The following MMP17 variants were observed in gnomAD, a reference collection of about 807,000 sequenced individuals.
The protein encoded by MMP17 is matrix metalloproteinase-17.
In MMP17, 54 loss-of-function variants were observed where a neutral mutation model predicts 49.1. The ratio of observed to expected loss-of-function variants is 1.10; its 90% CI spans 0.88 to 1.38. The LOEUF (loss-of-function observed/expected upper bound fraction) is 1.38, where lower values mean the gene tolerates loss of function less well. MMP17 is among the 40% of genes most tolerant of loss of function. The pLI is 0.00. For missense variants in MMP17, 837 were observed against 853.7 expected, an observed-to-expected ratio of 0.98 and a Z score of 0.24; for synonymous variants, 397 against 383.1, an observed-to-expected ratio of 1.04 and a Z score of -0.42.
rs1887591621 is a variant in MMP17, at chr12:131,844,500, A to C, written c.968+419A>C. 1.1e-5 allele frequency: 3 copies of C among 267,386 alleles called. No individual in the cohort carries two copies. The Admixed American group carries it at 1.6e-4, about 15-fold the overall frequency. The allele number at this position is 267,386 out of a possible 1,614,324, so 16.6% of individuals were successfully genotyped here. The stretch of plus-strand genomic sequence containing the variant: ...AGGGCTGGGCCCAACTGGGACGGCC[A>C]CTGGGGCTGCTCCACGAGGCATGAC... On this transcript the variant is annotated intron_variant, in intron 6 of 9. Coordinates refer to ENST00000360564, the MANE Select transcript of MMP17 (RefSeq NM_016155.7).
chr12:131,836,690 C>T (rs1228833072), intron 1 of MMP17, among the ~76,000 whole-genome samples: 1 of 149,702 alleles, frequency 6.7e-6, no homozygotes, highest in African/African-American at 2.5e-5. Flanking sequence ...AAAAAAAAGA[C>T]AGGTTTGCAG....
chr12:131,841,929 C>T, intron 5 of MMP17, 129 bp downstream of exon 5: 1 of 1,073,640 alleles, frequency 9.3e-7, no homozygotes, highest in Non-Finnish European at 1.3e-6. Context: ...GGTGCCGTGC[C>T]AGCTGGGACG....
chr12:131,846,953 G>A lies in MMP17; in HGVS notation c.1204+1504G>A, dbSNP rs914415525. 9.9e-5 allele frequency among the ~76,000 whole-genome samples: 15 copies of A among 152,020 alleles called. No homozygotes were observed. The highest frequency in any genetic ancestry group is 1.9e-4 in the Non-Finnish European group (13 of 68,002). Reference sequence around the variant, plus strand: ...CCCCATCACCTGGGAGCCCTCCGGTGACTGTTCCCGGAGGCCTGATCCCTC... The same window carrying A: ...CCCCATCACCTGGGAGCCCTCCGGTAACTGTTCCCGGAGGCCTGATCCCTC... On this transcript the variant is annotated intron_variant, in intron 8 of 9. Coordinates refer to ENST00000360564, the MANE Select transcript of MMP17 (RefSeq NM_016155.7). This position sits in a 1 kb window ranked among gnomAD's most constrained non-coding sequence, Gnocchi z 4.6.
chr12:131,829,998 C>T (rs906449885), intron 1 of MMP17, among the ~76,000 whole-genome samples: 2 of 152,210 alleles, frequency 1.3e-5, no homozygotes, highest in South Asian at 4.1e-4. Flanking sequence ...TCTCCCGGAT[C>T]CCCCACTGAG....
At chr12:131,839,443 G>A (rs939197770) in intron 3 of MMP17, among the ~76,000 whole-genome samples, 1 of 152,086 alleles carries the variant, frequency 6.6e-6, no homozygotes, top group African/African-American at 2.4e-5. Flanking sequence ...CTCCCGAGTA[G>A]CTGGGACTGC....
intron 6 of MMP17, 114 bp downstream of exon 6, chr12:131,844,195 T>A: frequency 1.2e-6 from 1 of 839,936 alleles, no homozygotes; most frequent in Non-Finnish European, 1.9e-6. Context: ...CACAGCTGTG[T>A]GGCCGACTGA....
intron 1 of MMP17, among the ~76,000 whole-genome samples, chr12:131,831,795 C>T: frequency 9.2e-6 from 1 of 108,572 alleles, no homozygotes; most frequent in Non-Finnish European, 1.8e-5. Context: ...TCCGATGGTT[C>T]AGGGACAGGA....
At chr12:131,842,751 T>A (rs1205845855) in intron 5 of MMP17, among the ~76,000 whole-genome samples, 1 of 150,708 alleles carries the variant, frequency 6.6e-6, no homozygotes, top group African/African-American at 2.4e-5. Flanking sequence ...CCAGCCTGGG[T>A]GGCAGAGTGA....
Position 131,850,043 on chromosome 12 carries a change from C to T in MMP17, c.1446C>T (p.Ala482=), listed in dbSNP as rs879200974. 8 of 1,612,034 alleles carry T rather than the reference C, an allele frequency of 5.0e-6. No individual in the cohort carries two copies. The highest frequency in any genetic ancestry group is 2.2e-5 in the East Asian group (1 of 44,856). The change falls in exon 9 of 10, where the codon GCC becomes GCT. Residue 482 remains alanine, a synonymous_variant. Coordinates refer to ENST00000360564, the MANE Select transcript of MMP17 (RefSeq NM_016155.7). ...GTGTCCCCAGCACGCTGGACGACGC[C>T]ATGCGCTGGTCCGACGGTGAGTGCC... is the stretch of plus-strand genomic sequence containing the variant. ...WRGVPSTLDD[A]MRWSDGASYF... is the part of the protein sequence containing the mutation.
intron 1 of MMP17, among the ~76,000 whole-genome samples, chr12:131,836,314 C>T (rs1201789254): frequency 6.6e-6 from 1 of 152,120 alleles, no homozygotes; most frequent in African/African-American, 2.4e-5. Flanking sequence ...TGCTGATGCC[C>T]CTGGGACTTC....
In MMP17 at chr12:131,847,530, G is replaced by A. The variant is rs141851464; in HGVS notation, c.1204+2081G>A. Among the ~76,000 whole-genome samples the A allele has an allele frequency of 8.2e-3, 1,246 of 152,272 alleles. 19 individuals carry two copies. The highest frequency in any genetic ancestry group is 0.028 in the African/African-American group (1,152 of 41,550). On this transcript the variant is annotated intron_variant, in intron 8 of 9. Coordinates refer to ENST00000360564, the MANE Select transcript of MMP17 (RefSeq NM_016155.7). ...CCTCCCCTAGGCCACCTTGCCAAAG[G>A]CCCCAGGGTGCCCTGTAGAGCCTCC...
At chr12:131,835,721 G>A (rs1887052101) in intron 1 of MMP17, among the ~76,000 whole-genome samples, 1 of 152,194 alleles carries the variant, frequency 6.6e-6, no homozygotes, top group Non-Finnish European at 1.5e-5. Flanking sequence ...GGGGGCAGGG[G>A]GTCATCATCC....
intron 1 of MMP17, among the ~76,000 whole-genome samples, chr12:131,830,777 C>A (rs183900062): frequency 6.6e-6 from 1 of 152,186 alleles, no homozygotes; most frequent in Non-Finnish European, 1.5e-5. Flanking sequence ...GGAGCGCCCC[C>A]CGTATGCACG....
chr12:131,841,973 C>T (rs902966085), intron 5 of MMP17, among the ~76,000 whole-genome samples, 173 bp downstream of exon 5: 2 of 152,208 alleles, frequency 1.3e-5, no homozygotes, highest in African/African-American at 4.8e-5. Flanking sequence ...CCCCTGACGT[C>T]CCCAGAGCCC....
chr12:131,828,620 C>G lies in MMP17; in HGVS notation c.126C>G (p.Pro42=), dbSNP rs1023801092. 12 of 791,262 alleles carry G rather than the reference C, an allele frequency of 1.5e-5. No homozygotes were observed. Among genetic ancestry groups the G allele is most frequent in the Non-Finnish European group, 1.6e-5 (10 of 632,856 alleles). The allele number at this position is 791,262 out of a possible 1,614,324, so 49.0% of individuals were successfully genotyped here. A position where few individuals can be genotyped will look rare whatever the true frequency, so the allele number is the denominator to read the frequency against. The change falls in exon 1 of 10, where the codon CCC becomes CCG. Residue 42 remains proline (P), a synonymous_variant. Transcript: ENST00000360564. The part of the protein sequence containing the change: ...GTRGGCAAPA[P]APRAEDLSLG... ...GCGGGGGCTGCGCCGCGCCCGCACC[C>G]GCGCCGCGCGCCGAGGACCTCAGCC...
chr12:131,829,274 A>C (rs1886673130), intron 1 of MMP17, among the ~76,000 whole-genome samples: 1 of 152,046 alleles, frequency 6.6e-6, no homozygotes, highest in Non-Finnish European at 1.5e-5. Flanking sequence ...TACAGTGCTG[A>C]GCCGGGGGCG....
chr12:131,847,926 G>A (rs1215072369), intron 8 of MMP17, among the ~76,000 whole-genome samples: 5 of 152,286 alleles, frequency 3.3e-5, no homozygotes, highest in Non-Finnish European at 2.9e-5. Context: ...CCTACCAGGC[G>A]CATCTGTCCT....
intron 1 of MMP17, among the ~76,000 whole-genome samples, chr12:131,837,100 A>T (rs1441978675): frequency 6.6e-6 from 1 of 152,204 alleles, no homozygotes; most frequent in African/African-American, 2.4e-5. Context: ...CACCCACCCC[A>T]GTGGGCCCTT....
intron 8 of MMP17, among the ~76,000 whole-genome samples, chr12:131,847,874 G>A (rs1297223145): frequency 2.6e-5 from 4 of 152,098 alleles, no homozygotes; most frequent in Non-Finnish European, 4.4e-5. Flanking sequence ...TCTCACCCCT[G>A]CTCCCCCTCT....
Sources: gnomAD v4.1 joint callset for allele counts (sites outside exome capture counted in the v4.1 genomes callset) on GRCh38, gnomAD v4.1.1 for gene constraint, Gnocchi (gnomAD v3.1) non-coding constraint, MANE v1.5 for transcripts, NCBI Gene and HGNC (gene_info 2026-07-23, HGNC 2026-07-21) for gene names.